The following NR2F1-AS1 variants were observed in gnomAD, a reference collection of about 807,000 sequenced individuals.
NR2F1-AS1 encodes NR2F1 regulatory antisense RNA 1.
At chr5:93,578,132 AACAG>A (rs1185594147) in intron 1 of NR2F1-AS1, among the ~76,000 whole-genome samples, 3 of 152,172 alleles carry the variant, frequency 2.0e-5, no homozygotes, top group African/African-American at 4.8e-5. Context: ...AGGATATGTT[AACAG>A]ACAGACAGTC....
At chr5:93,537,543 T>TA (rs1400750855) in intron 4 of NR2F1-AS1, among the ~76,000 whole-genome samples, 2 of 151,982 alleles carry the variant, frequency 1.3e-5, no homozygotes, top group African/African-American at 4.8e-5. Context: ...GGTCAATAGG[T>TA]ATATGAAAAA....
chr5:93,472,930 T>G (rs1003398761), intron 4 of NR2F1-AS1, among the ~76,000 whole-genome samples: 2 of 151,926 alleles, frequency 1.3e-5, no homozygotes, highest in Non-Finnish European at 2.9e-5. Context: ...TAAATCAAAA[T>G]TAAATGCCTG....
At chr5:93,436,516 T>C (rs1033906885) in intron 4 of NR2F1-AS1, among the ~76,000 whole-genome samples, 3 of 152,218 alleles carry the variant, frequency 2.0e-5, no homozygotes, top group African/African-American at 7.2e-5. Context: ...AGTCTTTTTC[T>C]AAAACCACTA....
intron 4 of NR2F1-AS1, among the ~76,000 whole-genome samples, chr5:93,504,159 T>C (rs965635486): frequency 1.6e-4 from 24 of 152,222 alleles, no homozygotes; most frequent in Non-Finnish European, 2.9e-5. Context: ...AAATTACAAT[T>C]TGTTATTCAG....
At chr5:93,513,692 A>G (rs1307436814) in intron 4 of NR2F1-AS1, among the ~76,000 whole-genome samples, 1 of 152,118 alleles carries the variant, frequency 6.6e-6, no homozygotes, top group Non-Finnish European at 1.5e-5. Context: ...CTGAAAAGCT[A>G]ACTACTGGGT....
At chr5:93,434,880 G>A (rs1465533697) in intron 4 of NR2F1-AS1, among the ~76,000 whole-genome samples, 2 of 152,078 alleles carry the variant, frequency 1.3e-5, no homozygotes, top group Non-Finnish European at 2.9e-5. Context: ...TATAAATGAT[G>A]TTGTGTTCTT....
intron 4 of NR2F1-AS1, among the ~76,000 whole-genome samples, chr5:93,431,972 G>A (rs17083163): frequency 0.037 from 5,604 of 152,034 alleles, 274 homozygotes; most frequent in East Asian, 0.21. Flanking sequence ...TTAAAATACC[G>A]GTCTAAAAGG....
chr5:93,451,103 C>T (rs568101519), intron 4 of NR2F1-AS1, among the ~76,000 whole-genome samples: 1 of 151,882 alleles, frequency 6.6e-6, no homozygotes, highest in Non-Finnish European at 1.5e-5. Flanking sequence ...CATCCACCTG[C>T]CACTGTCATT....
At chr5:93,576,806 C>G (rs1752906643) in intron 1 of NR2F1-AS1, among the ~76,000 whole-genome samples, 1 of 152,184 alleles carries the variant, frequency 6.6e-6, no homozygotes, top group Non-Finnish European at 1.5e-5. Context: ...TTATGTAGAG[C>G]AGTTGATTGT....
At chr5:93,582,561 G>T (rs1298500024), upstream of NR2F1-AS1, among the ~76,000 whole-genome samples, 1 of 152,114 alleles carries the variant, frequency 6.6e-6, no homozygotes, top group Non-Finnish European at 1.5e-5. Context: ...TCCAAATCCA[G>T]TATATTTCAC....
At chr5:93,516,926 T>C (rs1751410447) in intron 4 of NR2F1-AS1, among the ~76,000 whole-genome samples, 1 of 151,958 alleles carries the variant, frequency 6.6e-6, no homozygotes, top group Non-Finnish European at 1.5e-5. Context: ...ATAAATTTAC[T>C]AGAATGGCAC....
In NR2F1-AS1 at chr5:93,496,748, T is replaced by G. The variant is rs1442114736; in HGVS notation, n.638+57013A>C. On this transcript the variant is annotated intron_variant and non_coding_transcript_variant, in intron 4 of 5. Coordinates refer to ENST00000660523, the Ensembl canonical transcript of NR2F1-AS1. ...TTCTCTTGTTGCTCTTGTTAATTGA[T>G]ATTCATATTTGGTATCTCAAAGCAT... 3.9e-5 allele frequency among the ~76,000 whole-genome samples: 6 copies of G among 152,186 alleles called. No homozygotes were observed. The East Asian group carries it at 9.6e-4, about 24-fold the overall frequency.
At chr5:93,443,952 G>A (rs568651285) in intron 4 of NR2F1-AS1, among the ~76,000 whole-genome samples, 58 of 152,226 alleles carry the variant, frequency 3.8e-4, no homozygotes, top group Middle Eastern at 6.8e-3. Flanking sequence ...GCCAAACTAA[G>A]TTTCATAAGT....
intron 4 of NR2F1-AS1, among the ~76,000 whole-genome samples, chr5:93,438,279 G>A (rs1459870600): frequency 1.3e-5 from 2 of 152,198 alleles, no homozygotes; most frequent in Non-Finnish European, 2.9e-5. Flanking sequence ...CAGAAGTGTG[G>A]TGAGCCAGCC....
chr5:93,581,757 TCTCCTCTCTCCCTCTCCCTCTCC>T (rs1753065797), upstream of NR2F1-AS1, among the ~76,000 whole-genome samples: 34 of 24,198 alleles, frequency 1.4e-3, 1 homozygote, highest in African/African-American at 6.8e-3. Flanking sequence ...TCCCTCTCCC[TCTCCTCTCTCCCTCTCCCTCTCC>T]CTCTCCCTCT....
chr5:93,470,918 C>A (rs1242708958), intron 4 of NR2F1-AS1, among the ~76,000 whole-genome samples: 1 of 151,680 alleles, frequency 6.6e-6, no homozygotes, highest in Non-Finnish European at 1.5e-5. Flanking sequence ...TAAAAATTGC[C>A]ATAGAAATTA....
In NR2F1-AS1 at chr5:93,433,603, T is replaced by C. The variant is rs559065730; in HGVS notation, n.639-38061A>G. Among the ~76,000 whole-genome samples, 5 of 152,292 alleles carry C rather than the reference T, an allele frequency of 3.3e-5. No homozygotes were observed. The East Asian group carries it at 7.7e-4, about 24-fold the overall frequency. Reference sequence around the variant, plus strand: ...GATGGACTTATACAAACCTATGACATTATGTAGCACATGACTGTATAGAGA... The same window carrying C: ...GATGGACTTATACAAACCTATGACACTATGTAGCACATGACTGTATAGAGA... On this transcript the variant is annotated intron_variant and non_coding_transcript_variant, in intron 4 of 5. Transcript: ENST00000660523.
At chr5:93,544,978 T>G (rs1752048668) in intron 4 of NR2F1-AS1, 1 of 145,226 alleles carries the variant, frequency 6.9e-6, no homozygotes, top group South Asian at 2.1e-4. Flanking sequence ...ATAACATCAA[T>G]GATATCAGAA....
At chr5:93,530,928 G>A (rs1375585741) in intron 4 of NR2F1-AS1, among the ~76,000 whole-genome samples, 1 of 152,072 alleles carries the variant, frequency 6.6e-6, no homozygotes, top group Non-Finnish European at 1.5e-5. Context: ...AGGAGTAAAT[G>A]TTTTTCAAAT....
Sources: gnomAD v4.1 joint callset for allele counts (sites outside exome capture counted in the v4.1 genomes callset) on GRCh38, gnomAD v4.1.1 for gene constraint, MANE v1.5 for transcripts, NCBI Gene and HGNC (gene_info 2026-07-23, HGNC 2026-07-21) for gene names.